The following BACH2 variants were observed in gnomAD, a reference collection of about 807,000 sequenced individuals.
BACH2 encodes transcription regulator protein BACH2.
A neutral mutation model predicts 61.8 loss-of-function variants in BACH2; 5 were observed. The observed-to-expected ratio is 0.08, with a 90% CI of 0.04 to 0.17. BACH2 has a LOEUF of 0.17. Among genes scored for constraint, BACH2 ranks in the 10% least tolerant of loss-of-function variants. The pLI, the probability that BACH2 is intolerant of heterozygous loss-of-function variation, is 1.00. For missense variants in BACH2, 824 were observed against 1,091.1 expected, an observed-to-expected ratio of 0.76 and a Z score of 3.45; for synonymous variants, 446 against 440.1, an observed-to-expected ratio of 1.01 and a Z score of -0.17.
chr6:90,240,956 T>C (rs1770430591), intron 3 of BACH2, among the ~76,000 whole-genome samples: 1 of 151,816 alleles, frequency 6.6e-6, no homozygotes, highest in Admixed American at 6.6e-5. Context: ...AGGCTAGAAA[T>C]TAAGAGTTGA....
intron 1 of BACH2, among the ~76,000 whole-genome samples, chr6:90,276,420 T>C (rs1018368725): frequency 7.2e-5 from 11 of 152,238 alleles, no homozygotes; most frequent in African/African-American, 1.2e-4. Flanking sequence ...CACCTTTAAA[T>C]GATCACCATT....
chr6:90,146,756 T>C (rs1255714242), intron 4 of BACH2, among the ~76,000 whole-genome samples: 2 of 152,226 alleles, frequency 1.3e-5, no homozygotes, highest in African/African-American at 4.8e-5. Flanking sequence ...AGGATTAAGA[T>C]TTACTAAAAG....
intron 6 of BACH2, among the ~76,000 whole-genome samples, chr6:89,964,067 G>T (rs149950399): frequency 0.089 from 13,553 of 152,020 alleles, 698 homozygotes; most frequent in South Asian, 0.13. Flanking sequence ...GGGGTGGGAG[G>T]AGTGGGGAGG....
intron 4 of BACH2, among the ~76,000 whole-genome samples, chr6:90,131,686 A>G (rs893409906): frequency 1.3e-5 from 2 of 152,226 alleles, no homozygotes; most frequent in African/African-American, 4.8e-5. Flanking sequence ...AGTTTAAAGC[A>G]TTATGTCATT....
intron 3 of BACH2, among the ~76,000 whole-genome samples, chr6:90,232,817 G>T (rs1443468512): frequency 6.6e-6 from 1 of 152,206 alleles, no homozygotes; most frequent in South Asian, 2.1e-4. Context: ...TTTATGGCCT[G>T]TCTCTAAGAA....
intron 1 of BACH2, among the ~76,000 whole-genome samples, chr6:90,289,292 T>G (rs1680800345): frequency 3.9e-5 from 6 of 152,122 alleles, no homozygotes. Flanking sequence ...AGTGTCCAAC[T>G]CCAGTTCTAC....
In BACH2 at chr6:90,038,922, C is replaced by T. The variant is rs138733758; in HGVS notation, c.-12-30066G>A. Among the ~76,000 whole-genome samples, 570 of 151,956 alleles carry T rather than the reference C, an allele frequency of 3.8e-3. 7 individuals are homozygous for T. Among genetic ancestry groups the T allele is most frequent in the Admixed American group, 0.018 (282 of 15,278 alleles). On this transcript the variant is annotated intron_variant, in intron 5 of 8. Transcript: ENST00000257749. ...GGGTGTGGTGGTGGACACTTGTAAT[C>T]CCAGCTACTCAGGAGGCTGAGGCAA...
At chr6:90,248,065 C>T (rs528842781) in intron 3 of BACH2, among the ~76,000 whole-genome samples, 2 of 152,308 alleles carry the variant, frequency 1.3e-5, no homozygotes, top group South Asian at 4.1e-4. Context: ...GAGAAAGGCA[C>T]TAATTTTATT....
At chr6:89,976,523 G>A (rs893615825) in intron 6 of BACH2, among the ~76,000 whole-genome samples, 1 of 152,154 alleles carries the variant, frequency 6.6e-6, no homozygotes, top group Non-Finnish European at 1.5e-5. Context: ...TTGTGTGTGT[G>A]GGCAGGAAAA....
chr6:90,260,442 T>C (rs1193224097), intron 2 of BACH2, among the ~76,000 whole-genome samples: 1 of 152,182 alleles, frequency 6.6e-6, no homozygotes, highest in Non-Finnish European at 1.5e-5. Flanking sequence ...ATAATTTCAA[T>C]CTTAAATTTT....
At chr6:90,214,540 A>G (rs1769464829) in intron 3 of BACH2, among the ~76,000 whole-genome samples, 1 of 152,204 alleles carries the variant, frequency 6.6e-6, no homozygotes, top group Non-Finnish European at 1.5e-5. Context: ...AGGAACTAAA[A>G]TATTCTCAAG....
chr6:90,109,361 C>T (rs1017318361), intron 4 of BACH2, among the ~76,000 whole-genome samples: 1 of 152,138 alleles, frequency 6.6e-6, no homozygotes, highest in East Asian at 1.9e-4. Context: ...TTCTCATCAG[C>T]TTCACCTGTG....
chr6:90,170,549 C>T lies in BACH2; in HGVS notation c.-162+36020G>A, dbSNP rs76511599. ...ATTCTTAAAGACCTTTTTGTAACTCCATTTTAGAAGACCAAAGAAAAAAAG... is the reference window on the plus strand; with the variant it reads ...ATTCTTAAAGACCTTTTTGTAACTCTATTTTAGAAGACCAAAGAAAAAAAG... On this transcript the variant is annotated intron_variant, in intron 4 of 8. Coordinates refer to ENST00000257749, the MANE Select transcript of BACH2 (RefSeq NM_021813.4). Among the ~76,000 whole-genome samples, 1,024 of 152,184 alleles carry T rather than the reference C, an allele frequency of 6.7e-3. 13 individuals carry two copies. Among genetic ancestry groups the T allele is most frequent in the African/African-American group, 0.023 (957 of 41,512 alleles).
chr6:89,972,455 G>C (rs1017753216), intron 6 of BACH2, among the ~76,000 whole-genome samples: 5 of 152,166 alleles, frequency 3.3e-5, no homozygotes, highest in Non-Finnish European at 7.4e-5. Flanking sequence ...GCATCATGTT[G>C]CTTCTAACTA....
intron 4 of BACH2, among the ~76,000 whole-genome samples, chr6:90,127,522 ATCTTCC>A (rs1157020576): frequency 6.6e-6 from 1 of 152,186 alleles, no homozygotes; most frequent in Non-Finnish European, 1.5e-5. Flanking sequence ...CAAATAATTC[ATCTTCC>A]TCTTCCTTTA....
chr6:89,953,717 G>A (rs17708991), intron 6 of BACH2, among the ~76,000 whole-genome samples: 12,447 of 152,254 alleles, frequency 0.082, 788 homozygotes, highest in Admixed American at 0.19. Context: ...GAGTCAAACT[G>A]TGTCCTAACA....
In BACH2 at chr6:89,951,814, T is replaced by C; in HGVS notation, c.292A>G (p.Lys98Glu). The C allele has an allele frequency of 6.2e-7, 1 of 1,614,200 alleles. No homozygotes were observed. The highest frequency in any genetic ancestry group is 8.5e-7 in the Non-Finnish European group (1 of 1,180,010). The change falls in exon 7 of 9, where the codon AAG becomes GAG. Residue 98 changes from lysine to glutamate, a missense_variant. Physicochemically the swap from Lys to Glu is moderately conservative, Grantham distance 56. Coordinates refer to ENST00000257749, the MANE Select transcript of BACH2 (RefSeq NM_021813.4). This position sits in a 1 kb window ranked among gnomAD's most constrained non-coding sequence, Gnocchi z 6.4. ...ATGTTTTCTCTGCTGAGTAACAGCT[T>C]GGCAGTGTAGGCAAACTGTAACAGC... ...GPLLQFAYTAKLLLSRENIRE... is the reference protein window; with the variant it reads ...GPLLQFAYTAELLLSRENIRE...
intron 2 of BACH2, among the ~76,000 whole-genome samples, chr6:90,256,588 G>C (rs572626587): frequency 6.6e-6 from 1 of 152,292 alleles, no homozygotes; most frequent in South Asian, 2.1e-4. Flanking sequence ...TGTTAGAACA[G>C]TGAAATGTTG....
At chr6:90,250,537 C>T (rs1041595727) in intron 3 of BACH2, among the ~76,000 whole-genome samples, 1 of 152,260 alleles carries the variant, frequency 6.6e-6, no homozygotes, top group East Asian at 1.9e-4. Flanking sequence ...TGATTGAGCC[C>T]TGTTATGGGC....
Sources: allele counts gnomAD v4.1 joint callset (sites outside exome capture counted in the v4.1 genomes callset), GRCh38; gene constraint gnomAD v4.1.1; non-coding constraint Gnocchi (gnomAD v3.1); transcripts MANE v1.5; gene names NCBI Gene and HGNC (gene_info 2026-07-23, HGNC 2026-07-21).